Variants in GALNS observed in about 807,000 individuals in gnomAD.
GALNS encodes N-acetylgalactosamine-6-sulfatase.
In GALNS, 65 loss-of-function variants were observed where a neutral mutation model predicts 65.9. The ratio of observed to expected loss-of-function variants is 0.99; its 90% CI spans 0.81 to 1.21. The LOEUF (loss-of-function observed/expected upper bound fraction) is 1.21, where lower values mean the gene tolerates loss of function less well. GALNS is among the 50% of genes most tolerant of loss of function. The probability of loss-of-function intolerance (pLI) is 0.00; values close to 1 mark genes in which losing one functional copy is unlikely to be tolerated. For missense variants in GALNS, 776 were observed against 700.7 expected, an observed-to-expected ratio of 1.11 and a Z score of -1.21; for synonymous variants, 346 against 288.9, an observed-to-expected ratio of 1.20 and a Z score of -2.00.
At chr16:88,834,192 G>A (rs1162978285) in intron 8 of GALNS, among the ~76,000 whole-genome samples, 1 of 152,258 alleles carries the variant, frequency 6.6e-6, no homozygotes, top group African/African-American at 2.4e-5. Flanking sequence ...TGGCGCGAGG[G>A]AGCCTATGCT....
Position 88,814,335 on chromosome 16 carries a change from G to A in GALNS, c.*104C>T. 6 of 1,451,126 alleles carry A rather than the reference G, an allele frequency of 4.1e-6. No homozygotes were observed. The East Asian group carries it at 9.9e-5, about 24-fold the overall frequency. The allele number at this position is 1,451,126 out of a possible 1,614,324, so 89.9% of individuals were successfully genotyped here. On this transcript the variant is annotated 3_prime_UTR_variant, in exon 14 of 14. Coordinates refer to ENST00000268695, the MANE Select transcript of GALNS (RefSeq NM_000512.5). ...CTGCGTCTGCAGGTGCTGTCTGTCT[G>A]GCTTGGGCAGGGTTGGGGGAGGACC...
chr16:88,837,794 G>A (rs374481936), intron 4 of GALNS, 29 bp from the exon 5 acceptor site: 38 of 1,612,754 alleles, frequency 2.4e-5, no homozygotes, highest in Non-Finnish European at 3.1e-5. Flanking sequence ...GACACTTCAG[G>A]GACCCCACGT....
At chr16:88,843,353 A>T (rs1389094843) in intron 1 of GALNS, 1 of 543,722 alleles carries the variant, frequency 1.8e-6, no homozygotes, top group Admixed American at 3.1e-5. Flanking sequence ...AGAGACTGAA[A>T]CTTACGTCCA....
chr16:88,854,824 T>C (rs972400777), intron 1 of GALNS, among the ~76,000 whole-genome samples: 3 of 152,250 alleles, frequency 2.0e-5, no homozygotes, highest in African/African-American at 7.2e-5. Flanking sequence ...TTTGACTTCA[T>C]CTTCTGCTGT....
chr16:88,822,593 G>A lies in GALNS; in HGVS notation c.1360C>T (p.Leu454Phe), dbSNP rs761068381. 8 of 1,612,606 alleles carry A rather than the reference G, an allele frequency of 5.0e-6. No individual in the cohort carries two copies. The highest frequency in any genetic ancestry group is 1.3e-5 in the African/African-American group (1 of 74,918). Residue 454 changes from leucine (L) to phenylalanine (F), a missense_variant, in exon 12 of 14, where the codon CTC becomes TTC. By Grantham distance (22) the Leu-to-Phe change is conservative. Coordinates refer to ENST00000268695, the MANE Select transcript of GALNS (RefSeq NM_000512.5). Reference sequence around the variant, plus strand: ...GGAGGCCCTGCACCGACTCACCTGAGGGGGAACCTCTCCCCTGGGTCCCGT... The same window carrying A: ...GGAGGCCCTGCACCGACTCACCTGAAGGGGAACCTCTCCCCTGGGTCCCGT... ...LGRDPGERFP[L>F]SFASAEYQEA...
chr16:88,826,910 G>A, intron 9 of GALNS, 72 bp from the exon 10 acceptor site: 1 of 1,531,628 alleles, frequency 6.5e-7, no homozygotes, highest in Non-Finnish European at 8.8e-7. Context: ...CAATCCCTGG[G>A]GGGGCGTGAG....
At chr16:88,852,812 G>A (rs947585591) in intron 1 of GALNS, among the ~76,000 whole-genome samples, 10 of 152,198 alleles carry the variant, frequency 6.6e-5, no homozygotes, top group Non-Finnish European at 1.3e-4. Context: ...TTAATTAGCC[G>A]AGTGTGGTGA....
chr16:88,842,217 C>G, intron 2 of GALNS: 1 of 610,580 alleles, frequency 1.6e-6, no homozygotes. Flanking sequence ...AAGACCCCGC[C>G]TCCTTTCGCA....
At chr16:88,817,378 T>G in intron 13 of GALNS, 1 of 985,390 alleles carries the variant, frequency 1.0e-6, no homozygotes, top group Non-Finnish European at 1.2e-6. Context: ...CAAGGCCTGG[T>G]CTTGTCAGGC....
In GALNS at chr16:88,824,724, G is replaced by C. The variant is rs372676267; in HGVS notation, c.1242+43C>G. 7 of 1,543,324 alleles carry C rather than the reference G, an allele frequency of 4.5e-6. No homozygotes were observed. The Admixed American group carries it at 6.7e-5, about 15-fold the overall frequency. On this transcript the variant is annotated intron_variant, in intron 11 of 13. Coordinates refer to ENST00000268695, the MANE Select transcript of GALNS (RefSeq NM_000512.5). ...TGCTCAGGGGCCACGTCTGGATAGAGATGGGGGCAGCTCCGCCTGCGCCCA... is the reference window on the plus strand; with the variant it reads ...TGCTCAGGGGCCACGTCTGGATAGACATGGGGGCAGCTCCGCCTGCGCCCA...
intron 1 of GALNS, chr16:88,856,144 C>G (rs1567549660): frequency 1.4e-6 from 1 of 702,408 alleles, no homozygotes; most frequent in Non-Finnish European, 2.6e-6. Context: ...ACCCCTGACC[C>G]CGCACTTGCC....
chr16:88,816,968 T>C, intron 13 of GALNS: 1 of 985,392 alleles, frequency 1.0e-6, no homozygotes, highest in Non-Finnish European at 1.2e-6. Context: ...CCATCTCCAC[T>C]GTGCTCGGTG....
chr16:88,817,231 G>A, intron 13 of GALNS: 1 of 973,842 alleles, frequency 1.0e-6, no homozygotes. Context: ...GACTGCTGCG[G>A]CCCCCAGGGC....
chr16:88,827,013 G>A (rs1911003013), intron 9 of GALNS, 175 bp from the exon 10 acceptor site: 4 of 748,028 alleles, frequency 5.3e-6, no homozygotes, highest in South Asian at 1.7e-5. Context: ...GAGAGACAGA[G>A]GAGCCTCAAA....
In GALNS at chr16:88,856,778, G is replaced by A; in HGVS notation, c.100C>T (p.Leu34=). Reference sequence around the variant, plus strand: ...CTCACGTCGTCCATGAGCAGGAGCAGGATGTTGGGGGGCTGCGGGGCGCCC... The same window carrying A: ...CTCACGTCGTCCATGAGCAGGAGCAAGATGTTGGGGGGCTGCGGGGCGCCC... ...ASGAPQPPNI[L]LLLMDDMGWG... The change falls in exon 1 of 14, where the codon CTG becomes TTG. Residue 34 remains leucine, a synonymous_variant. Transcript: ENST00000268695. 1.3e-6 allele frequency: 2 copies of A among 1,542,086 alleles called. No homozygotes were observed. Among genetic ancestry groups the A allele is most frequent in the Admixed American group, 1.9e-5 (1 of 53,714 alleles).
At chr16:88,814,931 C>G in intron 13 of GALNS, 1 of 626,722 alleles carries the variant, frequency 1.6e-6, no homozygotes, top group Non-Finnish European at 2.0e-6. Context: ...CAAGGGTTCC[C>G]CAAGTTGGCC....
rs1404888504 is a variant in GALNS, at chr16:88,814,525, T to A, written c.1483A>T (p.Asn495Tyr). ...TTTTCACAGCCCGGAGGTGCCCAGT[T>A]CTGGGAAATGAAAATTGAGAAAAAG... ...QLNVCNWAVM[N>Y]WAPPGCEKLG... The change falls in exon 14 of 14, where the codon AAC becomes TAC. Residue 495 changes from asparagine to tyrosine, a missense_variant and splice_region_variant. Transcript: ENST00000268695. The A allele has an allele frequency of 1.3e-6, 2 of 1,554,766 alleles. No homozygotes were observed. Among genetic ancestry groups the A allele is most frequent in the African/African-American group, 1.4e-5 (1 of 73,490 alleles).
At chr16:88,829,005 G>A (rs985545370) in intron 9 of GALNS, among the ~76,000 whole-genome samples, 7 of 91,708 alleles carry the variant, frequency 7.6e-5, no homozygotes, top group East Asian at 4.3e-4. Flanking sequence ...TCACGCCATC[G>A]TCTCCCAGAC....
At chr16:88,842,241 C>A in intron 2 of GALNS, 1 of 587,530 alleles carries the variant, frequency 1.7e-6, no homozygotes, top group Non-Finnish European at 3.1e-6. Flanking sequence ...TCCTGGGACA[C>A]CCACTGGGCG....
Sources: allele counts gnomAD v4.1 joint callset (sites outside exome capture counted in the v4.1 genomes callset), GRCh38; gene constraint gnomAD v4.1.1; transcripts MANE v1.5; gene names NCBI Gene and HGNC (gene_info 2026-07-23, HGNC 2026-07-21).